The following WNT3A variants were observed in gnomAD, a reference collection of about 807,000 sequenced individuals.
WNT3A encodes protein Wnt-3a.
A neutral mutation model predicts 37.0 loss-of-function variants in WNT3A; 17 were observed. The observed-to-expected ratio is 0.46, with a 90% CI of 0.31 to 0.69. The LOEUF is 0.69. Among genes scored for constraint, WNT3A ranks in the 30% least tolerant of loss-of-function variants. The pLI, the probability that WNT3A is intolerant of heterozygous loss-of-function variation, is 0.05. For synonymous variants in WNT3A, 187 were observed against 211.0 expected (o/e 0.89, Z 0.99); for missense variants, 411 against 510.2 (o/e 0.81, Z 1.87).
At chr1:228,034,244 AGAGT>A (rs1433984800) in intron 2 of WNT3A, among the ~76,000 whole-genome samples, 1 of 152,204 alleles carries the variant, frequency 6.6e-6, no homozygotes, top group Admixed American at 6.5e-5. Context: ...CCTGGGCAAC[AGAGT>A]GAGACTCTGT....
rs527295568 is a variant in WNT3A at position 228,059,866 on chromosome 1, G to A, written c.*401G>A. The stretch of plus-strand genomic sequence containing the variant: ...TGGCTCTGGGTGGGCGGGGCACTAG[G>A]TAGGCTTCTACCTGCAGGCGGGGCT... On this transcript the variant is annotated 3_prime_UTR_variant, in exon 4 of 4. Coordinates refer to ENST00000284523, the MANE Select transcript of WNT3A (RefSeq NM_033131.4). 22 of 1,059,392 alleles carry A rather than the reference G, an allele frequency of 2.1e-5. No individual in the cohort carries two copies. Among genetic ancestry groups the A allele is most frequent in the Middle Eastern group, 8.9e-4 (2 of 2,240 alleles). 65.6% of individuals were successfully genotyped at this position (1,059,392 alleles called of 1,614,324 possible).
rs576855129 is a variant in WNT3A, at chr1:228,008,012, G to C, written c.71+813G>C. The stretch of plus-strand genomic sequence containing the variant: ...CGATGGAAGTGCAGATAAACCAAAG[G>C]AAGGGTCCCGAAAGGTCTCTCTCAG... On this transcript the variant is annotated intron_variant, in intron 1 of 3. Transcript: ENST00000284523. This position sits in a 1 kb window ranked among gnomAD's most constrained non-coding sequence, Gnocchi z 4.9. 1.3e-5 allele frequency among the ~76,000 whole-genome samples: 2 copies of C among 152,322 alleles called. No individual in the cohort carries two copies. Among genetic ancestry groups the C allele is most frequent in the South Asian group, 4.1e-4 (2 of 4,830 alleles).
intron 2 of WNT3A, among the ~76,000 whole-genome samples, chr1:228,034,879 T>C (rs1429628950): frequency 1.3e-5 from 2 of 152,148 alleles, no homozygotes; most frequent in Non-Finnish European, 2.9e-5. Flanking sequence ...CCCTAGGGTA[T>C]GGCACACTCC....
intron 3 of WNT3A, among the ~76,000 whole-genome samples, chr1:228,058,456 C>T (rs2031724877): frequency 6.6e-6 from 1 of 152,228 alleles, no homozygotes; most frequent in African/African-American, 2.4e-5. Context: ...GAGGTCCTGC[C>T]CGGTCCCCCA....
intron 2 of WNT3A, among the ~76,000 whole-genome samples, chr1:228,028,958 T>C (rs559614025): frequency 2.1e-4 from 31 of 148,450 alleles, no homozygotes; most frequent in Non-Finnish European, 3.7e-4. Flanking sequence ...GCAAAACGAG[T>C]TTTTTTTTTA....
At chr1:228,027,184 C>T (rs956693059) in intron 2 of WNT3A, among the ~76,000 whole-genome samples, 1 of 152,206 alleles carries the variant, frequency 6.6e-6, no homozygotes, top group Non-Finnish European at 1.5e-5. Flanking sequence ...AGTTGATGGG[C>T]ACTTAGGCTG....
chr1:228,016,915 A>C (rs1163053126), intron 1 of WNT3A, among the ~76,000 whole-genome samples: 1 of 152,142 alleles, frequency 6.6e-6, no homozygotes, highest in Non-Finnish European at 1.5e-5. Flanking sequence ...TGTGCCATTC[A>C]CGAGTGATCT....
chr1:228,041,549 AT>A (rs2031286301), intron 2 of WNT3A, among the ~76,000 whole-genome samples: 1 of 151,642 alleles, frequency 6.6e-6, no homozygotes, highest in African/African-American at 2.4e-5. Flanking sequence ...CCATCCATCC[AT>A]CCACCATCCA....
intron 1 of WNT3A, among the ~76,000 whole-genome samples, chr1:228,015,546 G>A (rs2030499507): frequency 6.6e-6 from 1 of 152,164 alleles, no homozygotes; most frequent in Non-Finnish European, 1.5e-5. Context: ...GGGCAGGGAG[G>A]GCAGGCTGGC....
chr1:228,007,247 G>T lies in WNT3A; in HGVS notation c.71+48G>T. On this transcript the variant is annotated intron_variant, in intron 1 of 3. Coordinates refer to ENST00000284523, the MANE Select transcript of WNT3A (RefSeq NM_033131.4). This position sits in a 1 kb window ranked among gnomAD's most constrained non-coding sequence, Gnocchi z 6.0. Reference sequence around the variant, plus strand: ...GCCCCTGCCCCTGTGCGCCGCGCCCGCAGCAGACGGTCCCCTCGGGCAGGG... The same window carrying T: ...GCCCCTGCCCCTGTGCGCCGCGCCCTCAGCAGACGGTCCCCTCGGGCAGGG... 1 of 1,554,312 alleles carries T rather than the reference G, an allele frequency of 6.4e-7. No individual in the cohort carries two copies. The highest frequency in any genetic ancestry group is 1.2e-5 in the South Asian group (1 of 85,064).
intron 2 of WNT3A, among the ~76,000 whole-genome samples, chr1:228,049,590 G>C (rs558502151): frequency 6.6e-6 from 1 of 152,174 alleles, no homozygotes; most frequent in Non-Finnish European, 1.5e-5. Flanking sequence ...CAAGGGGACT[G>C]CACCTTTCCC....
At chr1:228,013,470 C>G in intron 1 of WNT3A, among the ~76,000 whole-genome samples, 1 of 152,206 alleles carries the variant, frequency 6.6e-6, no homozygotes, top group East Asian at 1.9e-4. Context: ...TGCGTGGCCG[C>G]GGGCACAGGA....
chr1:228,022,920 G>A lies in WNT3A; in HGVS notation c.313+12G>A. 6.3e-7 allele frequency: 1 copy of A among 1,593,072 alleles called. No homozygotes were observed. The highest frequency in any genetic ancestry group is 8.6e-7 in the Non-Finnish European group (1 of 1,166,012). On this transcript the variant is annotated intron_variant, in intron 2 of 3. Transcript: ENST00000284523. ...CGTGCTGGACAAAGGTATGGGGGTG[G>A]TCTGGGGGAGGGCAGATGAGTCTGG...
At chr1:228,023,024 G>A (rs1397240416) in intron 2 of WNT3A, 116 bp downstream of exon 2, 24 of 1,456,024 alleles carry the variant, frequency 1.6e-5, no homozygotes, top group South Asian at 2.8e-5. Flanking sequence ...TCACGCGGAC[G>A]CTGGGGTCCT....
At chr1:228,010,148 C>T (rs1246765209) in intron 1 of WNT3A, among the ~76,000 whole-genome samples, 1 of 152,248 alleles carries the variant, frequency 6.6e-6, no homozygotes, top group African/African-American at 2.4e-5. Flanking sequence ...GAAGAGCCCA[C>T]ATGGACAGAG....
chr1:228,051,984 T>C (rs1426837987), intron 3 of WNT3A, among the ~76,000 whole-genome samples: 1 of 152,128 alleles, frequency 6.6e-6, no homozygotes, highest in Non-Finnish European at 1.5e-5. Flanking sequence ...AAACACCTCC[T>C]ACCAGGTCCC....
At chr1:228,032,817 C>T (rs1047233804) in intron 2 of WNT3A, among the ~76,000 whole-genome samples, 3 of 152,178 alleles carry the variant, frequency 2.0e-5, no homozygotes, top group African/African-American at 7.2e-5. Flanking sequence ...GATTTCTGCA[C>T]ATCTTCATGA....
intron 3 of WNT3A, among the ~76,000 whole-genome samples, chr1:228,052,237 G>A (rs1034205818): frequency 5.9e-5 from 9 of 152,154 alleles, no homozygotes; most frequent in Admixed American, 2.0e-4. Flanking sequence ...TCCACGTCCC[G>A]GGTTCAAGCG....
intron 1 of WNT3A, among the ~76,000 whole-genome samples, chr1:228,015,624 G>A (rs981713079): frequency 6.6e-6 from 1 of 152,142 alleles, no homozygotes; most frequent in Non-Finnish European, 1.5e-5. Context: ...CTGAGGCAGG[G>A]CCCAGACCTC....
Sources: gnomAD v4.1 joint callset for allele counts (sites outside exome capture counted in the v4.1 genomes callset) on GRCh38, gnomAD v4.1.1 for gene constraint, Gnocchi (gnomAD v3.1) non-coding constraint, MANE v1.5 for transcripts, NCBI Gene and HGNC (gene_info 2026-07-23, HGNC 2026-07-21) for gene names.